SVIP: variants seen among roughly 807,000 people sequenced by gnomAD.
SVIP encodes the protein small VCP interacting protein, also known as small VCP/p97-interacting protein.
A neutral mutation model predicts 12.9 loss-of-function variants in SVIP; 14 were observed. That is an observed-to-expected ratio of 1.08 (90% CI 0.72 to 1.70). The LOEUF is 1.70. SVIP is among the 40% of genes most tolerant of loss of function. SVIP has a pLI of 0.00. For missense variants in SVIP, 93 were observed against 90.8 expected (o/e 1.02, Z -0.10); for synonymous variants, 35 against 33.3 (o/e 1.05, Z -0.17).
In SVIP at chr11:22,823,195, C is replaced by A. The variant is rs961616244; in HGVS notation, c.220-62G>T. 47 of 1,251,818 alleles carry A rather than the reference C, an allele frequency of 3.8e-5. No homozygotes were observed. The African/African-American group carries it at 6.8e-4, about 18-fold the overall frequency. 77.5% of individuals were successfully genotyped at this position (1,251,818 alleles called of 1,614,324 possible). On this transcript the variant is annotated intron_variant, in intron 3 of 3. Coordinates refer to ENST00000354193, the MANE Select transcript of SVIP (RefSeq NM_148893.3). ...TACTTGAAGTTATATAACAGTACTTCAGTGAACAAACAGGTAAAAAGAGGA... is the reference window on the plus strand; with the variant it reads ...TACTTGAAGTTATATAACAGTACTTAAGTGAACAAACAGGTAAAAAGAGGA...
intron 3 of SVIP, among the ~76,000 whole-genome samples, chr11:22,823,482 A>G (rs1857554832): frequency 6.6e-6 from 1 of 152,184 alleles, no homozygotes; most frequent in Non-Finnish European, 1.5e-5. Flanking sequence ...GTTCTGTTCC[A>G]GTCCCTCCCT....
chr11:22,823,417 T>C (rs1180414522), intron 3 of SVIP, among the ~76,000 whole-genome samples: 1 of 152,194 alleles, frequency 6.6e-6, no homozygotes, highest in Non-Finnish European at 1.5e-5. Context: ...AACTGTAGAA[T>C]GTGCTGGGAA....
chr11:22,829,652 C>G, intron 1 of SVIP, 43 bp downstream of exon 1: 1 of 1,550,292 alleles, frequency 6.5e-7, no homozygotes, highest in South Asian at 1.2e-5. Context: ...AGGACAGGTG[C>G]TCAAGGCGCG....
In SVIP at chr11:22,823,093, G is replaced by C; in HGVS notation, c.*26C>G. ...TGCAGATAATAAACAGTTATTGGCA[G>C]TAGATTCTTCTACTCATGTTATGCT... On this transcript the variant is annotated 3_prime_UTR_variant, in exon 4 of 4. Coordinates refer to ENST00000354193, the MANE Select transcript of SVIP (RefSeq NM_148893.3). 1 of 1,574,578 alleles carries C rather than the reference G, an allele frequency of 6.4e-7. No individual in the cohort carries two copies. Among genetic ancestry groups the C allele is most frequent in the Non-Finnish European group, 8.6e-7 (1 of 1,159,590 alleles).
At chr11:22,826,166 A>T (rs1457415377) in intron 3 of SVIP, among the ~76,000 whole-genome samples, 1 of 152,220 alleles carries the variant, frequency 6.6e-6, no homozygotes, top group Non-Finnish European at 1.5e-5. Flanking sequence ...ATAAATTTTC[A>T]TTCGTTAAAT....
rs145790758 is a variant in SVIP, at chr11:22,828,482, G to T, written c.55-608C>A. On this transcript the variant is annotated intron_variant, in intron 1 of 3. Transcript: ENST00000354193. ...TTGCGGGCGCACAGACAAATATAAT[G>T]AAGTAAGTAAACGTCTGTCAGATGG... Among the ~76,000 whole-genome samples the T allele has an allele frequency of 2.6e-5, 4 of 152,290 alleles. No homozygotes were observed. The East Asian group carries it at 7.7e-4, about 29-fold the overall frequency.
chr11:22,825,035 T>C (rs987715969), intron 3 of SVIP, among the ~76,000 whole-genome samples: 15 of 152,052 alleles, frequency 9.9e-5, no homozygotes, highest in African/African-American at 3.6e-4. Flanking sequence ...GCATTACCCA[T>C]GCTAATTACC....
chr11:22,824,595 A>C (rs189751904), intron 3 of SVIP, among the ~76,000 whole-genome samples: 42 of 151,848 alleles, frequency 2.8e-4, no homozygotes, highest in Admixed American at 1.2e-3. Context: ...TCATTGTACA[A>C]TTTCTTAGAG....
At chr11:22,827,086 C>A in intron 3 of SVIP, 121 bp downstream of exon 3, 1 of 747,088 alleles carries the variant, frequency 1.3e-6, no homozygotes, top group Non-Finnish European at 2.3e-6. Flanking sequence ...ACTACTCATG[C>A]TTTTAAACTA....
chr11:22,824,389 TC>T (rs1857596492), intron 3 of SVIP, among the ~76,000 whole-genome samples: 1 of 150,572 alleles, frequency 6.6e-6, no homozygotes, highest in African/African-American at 2.4e-5. Context: ...GATAGTGTTT[TC>T]CAAGTACATC....
At chr11:22,828,301 G>A (rs901438634) in intron 1 of SVIP, among the ~76,000 whole-genome samples, 5 of 152,146 alleles carry the variant, frequency 3.3e-5, no homozygotes, top group South Asian at 2.1e-4. Flanking sequence ...AAGGACTGGA[G>A]TAATTTCATG....
chr11:22,824,453 T>TATACATAC (rs1857606038), intron 3 of SVIP, among the ~76,000 whole-genome samples: 1 of 100,600 alleles, frequency 9.9e-6, no homozygotes, highest in Non-Finnish European at 2.4e-5. Context: ...CACATATATA[T>TATACATAC]ATATATACAC....
chr11:22,829,387 C>CGTGCGT (rs994377722), intron 1 of SVIP: 2 of 319,744 alleles, frequency 6.3e-6, no homozygotes, highest in African/African-American at 4.3e-5. Context: ...CCACGCGTAA[C>CGTGCGT]GCCCTCTGCG....
chr11:22,829,634 G>C, intron 1 of SVIP, 61 bp downstream of exon 1: 1 of 1,500,914 alleles, frequency 6.7e-7, no homozygotes, highest in South Asian at 1.2e-5. Context: ...GGCCCGCCCC[G>C]CAACCCGAGG....
At chr11:22,828,512 G>A (rs1397108287) in intron 1 of SVIP, among the ~76,000 whole-genome samples, 1 of 152,166 alleles carries the variant, frequency 6.6e-6, no homozygotes, top group Non-Finnish European at 1.5e-5. Flanking sequence ...AGATGGCATG[G>A]CAGATAAGTA....
At chr11:22,823,982 C>T (rs918055824) in intron 3 of SVIP, among the ~76,000 whole-genome samples, 3 of 152,142 alleles carry the variant, frequency 2.0e-5, no homozygotes, top group Non-Finnish European at 4.4e-5. Flanking sequence ...TCTTCTCAGC[C>T]TCCCAAAGCC....
chr11:22,824,476 ATATATATATGTATATATATACG>A (rs1564906012), intron 3 of SVIP, among the ~76,000 whole-genome samples: 3 of 143,276 alleles, frequency 2.1e-5, no homozygotes, highest in Admixed American at 1.5e-4. Context: ...ATATATACGT[ATATATATATGTATATATATACG>A]TATATATATA....
In SVIP at chr11:22,822,430, G is replaced by C. The variant is rs901786365; in HGVS notation, c.*689C>G. ...ACAGAGCTGAATTTAATATACAATA[G>C]AACATCACTGCCCTCTGATGGTATC... On this transcript the variant is annotated 3_prime_UTR_variant, in exon 4 of 4. Transcript: ENST00000354193. 2 of 151,968 alleles carry C rather than the reference G, an allele frequency of 1.3e-5. No individual in the cohort carries two copies. The highest frequency in any genetic ancestry group is 2.9e-5 in the Non-Finnish European group (2 of 67,948). 9.4% of individuals were successfully genotyped at this position (151,968 alleles called of 1,614,324 possible). A position where few individuals can be genotyped will look rare whatever the true frequency, so the allele number is the denominator to read the frequency against.
rs1857456127 is a variant in SVIP at position 22,820,878 on chromosome 11, T to C, written c.*2241A>G. 6.6e-6 allele frequency: 1 copy of C among 152,038 alleles called. No homozygotes were observed. The highest frequency in any genetic ancestry group is 1.5e-5 in the Non-Finnish European group (1 of 67,992). 9.4% of individuals were successfully genotyped at this position (152,038 alleles called of 1,614,324 possible). ...ATATGATAGTTACATATATGCATTT[T>C]ACTGTTCCAATTATAGTTTAGTAAT... On this transcript the variant is annotated 3_prime_UTR_variant, in exon 4 of 4. Transcript: ENST00000354193.
Sources: gnomAD v4.1 joint callset for allele counts (sites outside exome capture counted in the v4.1 genomes callset) on GRCh38, gnomAD v4.1.1 for gene constraint, MANE v1.5 for transcripts, NCBI Gene and HGNC (gene_info 2026-07-23, HGNC 2026-07-21) for gene names.